The following SRP68 variants were observed in gnomAD, a reference collection of about 807,000 sequenced individuals.
The protein encoded by SRP68 is signal recognition particle 68.
A neutral mutation model predicts 82.2 loss-of-function variants in SRP68; 15 were observed. That is an observed-to-expected ratio of 0.18 (90% CI 0.12 to 0.28). The LOEUF (loss-of-function observed/expected upper bound fraction) is 0.28, where lower values mean the gene tolerates loss of function less well. SRP68 is among the 10% of genes least tolerant of loss of function. The pLI, the probability that SRP68 is intolerant of heterozygous loss-of-function variation, is 1.00. For synonymous variants in SRP68, 261 were observed against 292.6 expected (o/e 0.89, Z 1.10); for missense variants, 595 against 780.5 (o/e 0.76, Z 2.83).
At chr17:76,067,989 C>T (rs1194291091) in intron 2 of SRP68, among the ~76,000 whole-genome samples, 5 of 151,794 alleles carry the variant, frequency 3.3e-5, no homozygotes, top group Non-Finnish European at 4.4e-5. Context: ...GGACTGATGG[C>T]GGGGCCTAGA....
intron 3 of SRP68, 60 bp from the exon 4 acceptor site, chr17:76,064,231 T>G: frequency 5.4e-6 from 8 of 1,480,798 alleles, no homozygotes; most frequent in Non-Finnish European, 7.4e-6. Context: ...AGATATTCTC[T>G]GAGGTGTAAT....
chr17:76,052,939 T>C (rs1010069892), intron 8 of SRP68, among the ~76,000 whole-genome samples: 3 of 140,640 alleles, frequency 2.1e-5, no homozygotes, highest in East Asian at 2.1e-4. Context: ...AAAAAAGACA[T>C]GTGAATGGAC....
rs16968454 is a variant in SRP68 at position 76,040,624 on chromosome 17, G to C, written c.1601-150C>G. 3,349 of 791,480 alleles carry C rather than the reference G, an allele frequency of 4.2e-3. 61 individuals are homozygous for C. In the African/African-American group the frequency reaches 0.046, roughly 11 times the overall value. The allele number at this position is 791,480 out of a possible 1,614,324, so 49.0% of individuals were successfully genotyped here. A position where few individuals can be genotyped will look rare whatever the true frequency, so the allele number is the denominator to read the frequency against. ...CAGGCCTGTCTCCTGCTGAGAAGTG[G>C]TGGAGATAAACAGATCAATCCCAGA... On this transcript the variant is annotated intron_variant, in intron 14 of 15. Transcript: ENST00000307877.
chr17:76,068,548 G>T (rs1295993179), intron 2 of SRP68, among the ~76,000 whole-genome samples: 5 of 151,964 alleles, frequency 3.3e-5, no homozygotes, highest in Admixed American at 2.6e-4. Flanking sequence ...GGAAGACTAA[G>T]ATGACACCAA....
chr17:76,041,082 T>G, intron 13 of SRP68, 104 bp from the exon 14 acceptor site: 1 of 798,004 alleles, frequency 1.3e-6, no homozygotes, highest in South Asian at 1.6e-5. Flanking sequence ...CACAGGACTT[T>G]AGACTTTCTA....
chr17:76,053,723 C>A (rs1002196058), intron 8 of SRP68: 1 of 842,896 alleles, frequency 1.2e-6, no homozygotes, highest in Non-Finnish European at 1.4e-6. Context: ...ATGACTCAGA[C>A]CACTAATCTC....
rs1271506890 is a variant in SRP68, at chr17:76,061,507, G to A, written c.629C>T (p.Ala210Val). 2 of 1,613,674 alleles carry A rather than the reference G, an allele frequency of 1.2e-6. No individual in the cohort carries two copies. The change falls in exon 5 of 16, where the codon GCT becomes GTT. Residue 210 changes from alanine (A) to valine (V), a missense_variant. Around this residue, in one of 2 missense-constraint regions of SRP68, gnomAD observed 495 missense variants for 688.6 expected, o/e 0.72. Coordinates refer to ENST00000307877, the MANE Select transcript of SRP68 (RefSeq NM_014230.4). ...EHQEWKAAIE[A>V]FNKCKTIYEK... The stretch of plus-strand genomic sequence containing the variant: ...TAGGACTTACTTGCATTTGTTAAAA[G>A]CCTCAATGGCAGCTTTCCATTCTTG...
intron 8 of SRP68, among the ~76,000 whole-genome samples, chr17:76,054,853 AACAT>A (rs966028486): frequency 1.3e-5 from 2 of 152,188 alleles, no homozygotes; most frequent in African/African-American, 4.8e-5. Context: ...GGGAAAAAAA[AACAT>A]AAGAACTCTC....
At chr17:76,046,465 G>GAAAAAAA (rs745410222) in intron 10 of SRP68, among the ~76,000 whole-genome samples, 3 of 71,260 alleles carry the variant, frequency 4.2e-5, no homozygotes, top group Non-Finnish European at 2.3e-5. Flanking sequence ...CCACACAGTG[G>GAAAAAAA]AAAAAAAAAA....
chr17:76,045,478 G>GGA, intron 11 of SRP68, 92 bp from the exon 12 acceptor site: 1 of 792,186 alleles, frequency 1.3e-6, no homozygotes, highest in Non-Finnish European at 1.9e-6. Context: ...CAAGAGTGAG[G>GGA]AAAAAAAAAA....
In SRP68 at chr17:76,039,441, G is replaced by A; in HGVS notation, c.*265C>T. 1.6e-6 allele frequency: 1 copy of A among 626,712 alleles called. No homozygotes were observed. Among genetic ancestry groups the A allele is most frequent in the Non-Finnish European group, 3.0e-6 (1 of 337,154 alleles). The allele number at this position is 626,712 out of a possible 1,614,324, so 38.8% of individuals were successfully genotyped here. ...AAGGCAATCAATCACAGCTCACAGG[G>A]CACCAGACAGCAGCGGCCCCTTTCC... is the stretch of plus-strand genomic sequence containing the variant. On this transcript the variant is annotated 3_prime_UTR_variant, in exon 16 of 16. Coordinates refer to ENST00000307877, the MANE Select transcript of SRP68 (RefSeq NM_014230.4).
intron 1 of SRP68, among the ~76,000 whole-genome samples, chr17:76,070,789 C>G (rs769742964): frequency 3.3e-5 from 5 of 151,582 alleles, no homozygotes; most frequent in Non-Finnish European, 7.4e-5. Flanking sequence ...TTGCAATGAG[C>G]CAAGACAGCG....
At position 76,062,717 on chromosome 17, in the gene SRP68, AT is replaced by A. The variant is rs1287210246; in HGVS notation, c.562-1144del. Among the ~76,000 whole-genome samples, 9 of 50,488 alleles carry A rather than the reference AT, an allele frequency of 1.8e-4. 1 individual carries two copies. The highest frequency in any genetic ancestry group is 1.5e-3 in the African/African-American group (9 of 5,876). 33.1% of individuals were successfully genotyped at this position (50,488 alleles called of 152,430 possible). ...TTATATATTGTATATTATACAATATATTATATTTATTTTATATATATATATA... is the reference window on the plus strand; with the variant it reads ...TTATATATTGTATATTATACAATATATATATTTATTTTATATATATATATA... On this transcript the variant is annotated intron_variant, in intron 4 of 15. Transcript: ENST00000307877.
Position 76,072,246 on chromosome 17 carries a change from G to A in SRP68, c.184+62C>T. 8 of 1,595,044 alleles carry A rather than the reference G, an allele frequency of 5.0e-6. No individual in the cohort carries two copies. Among genetic ancestry groups the A allele is most frequent in the Non-Finnish European group, 6.0e-6 (7 of 1,174,180 alleles). The stretch of plus-strand genomic sequence containing the variant: ...CTTGTCGGGACCCGCCGCCTCTCCC[G>A]CCCCCAGCCCTCCAGTTCGACACGT... On this transcript the variant is annotated intron_variant, in intron 1 of 15. Transcript: ENST00000307877. The surrounding 1 kb of genome is among the most constrained non-coding windows in gnomAD (Gnocchi z 4.5).
At chr17:76,052,044 A>G (rs1018066953) in intron 8 of SRP68, among the ~76,000 whole-genome samples, 1 of 152,130 alleles carries the variant, frequency 6.6e-6, no homozygotes, top group Non-Finnish European at 1.5e-5. Context: ...AGTAGCTGGG[A>G]CTACAGGTGC....
intron 13 of SRP68, chr17:76,043,592 TC>T: frequency 3.4e-6 from 1 of 289,962 alleles, no homozygotes; most frequent in Non-Finnish European, 6.3e-6. Flanking sequence ...GGTTTTTGTT[TC>T]TTTTAAATCA....
chr17:76,057,508 A>G lies in SRP68; in HGVS notation c.873T>C (p.Ala291=), dbSNP rs376042968. The change falls in exon 8 of 16, where the codon GCT becomes GCC. Residue 291 remains alanine, a synonymous_variant. Transcript: ENST00000307877. ...LITQTRAKQA[A]TMSEVEWRGR... ...CTCTCCACTCCACTTCACTCATGGT[A>G]GCTGCCTGTTTGGCTCGAGTCTGAG... is the stretch of plus-strand genomic sequence containing the variant. 25 of 1,614,214 alleles carry G rather than the reference A, an allele frequency of 1.5e-5. No homozygotes were observed. The highest frequency in any genetic ancestry group is 1.6e-4 in the Middle Eastern group (1 of 6,062).
Position 76,040,478 on chromosome 17 carries a change from A to C in SRP68, c.1601-4T>G. 6.2e-7 allele frequency: 1 copy of C among 1,613,764 alleles called. No homozygotes were observed. Among genetic ancestry groups the C allele is most frequent in the Non-Finnish European group, 8.5e-7 (1 of 1,179,676 alleles). The stretch of plus-strand genomic sequence containing the variant: ...GTTTGATGAGCGTCGTTTGCATCTG[A>C]AAGTTTCACAGGGATTCAGTAAGAA... On this transcript the variant is annotated splice_region_variant and splice_polypyrimidine_tract_variant and intron_variant, in intron 14 of 15. Transcript: ENST00000307877.
intron 4 of SRP68, among the ~76,000 whole-genome samples, chr17:76,062,729 TTATATATATATATATATATATATATATA>T (rs200522360): frequency 6.9e-5 from 1 of 14,514 alleles, no homozygotes; most frequent in Admixed American, 1.8e-3. Context: ...TATATTTATT[TTATATATATATATATATATATATATATA>T]TATATATAAA....
Sources: allele counts gnomAD v4.1 joint callset (sites outside exome capture counted in the v4.1 genomes callset), GRCh38; gene constraint gnomAD v4.1.1; regional missense constraint gnomAD v4.1.1; non-coding constraint Gnocchi (gnomAD v3.1); transcripts MANE v1.5; gene names NCBI Gene and HGNC (gene_info 2026-07-23, HGNC 2026-07-21).